The following RALGPS1 variants were observed in gnomAD, a reference collection of about 807,000 sequenced individuals.
RALGPS1 encodes Ral GEF with PH domain and SH3 binding motif 1, also known as ras-specific guanine nucleotide-releasing factor RalGPS1.
Under a neutral mutation model 78.8 loss-of-function variants are expected in RALGPS1, and 19 were observed. The ratio of observed to expected loss-of-function variants is 0.24; its 90% CI spans 0.17 to 0.35. The LOEUF (loss-of-function observed/expected upper bound fraction) is 0.35. RALGPS1 is among the 10% of genes least tolerant of loss of function. The probability of loss-of-function intolerance (pLI) is 1.00; values close to 1 mark genes in which losing one functional copy is unlikely to be tolerated. For missense variants in RALGPS1, 454 were observed against 688.3 expected (o/e 0.66, Z 3.81); for synonymous variants, 228 against 256.3 (o/e 0.89, Z 1.06).
chr9:126,935,651 C>T (rs1204419279), intron 1 of RALGPS1, among the ~76,000 whole-genome samples: 1 of 152,166 alleles, frequency 6.6e-6, no homozygotes, highest in East Asian at 1.9e-4. Flanking sequence ...TTAGAAGAAG[C>T]ACGTTTCCAA....
chr9:127,030,589 G>A (rs1243160015), intron 4 of RALGPS1, among the ~76,000 whole-genome samples: 1 of 152,154 alleles, frequency 6.6e-6, no homozygotes, highest in Non-Finnish European at 1.5e-5. Context: ...TCTCTTGCAA[G>A]GGAGAAGAGT....
chr9:126,949,227 G>A (rs2131678190), intron 1 of RALGPS1, among the ~76,000 whole-genome samples: 1 of 152,304 alleles, frequency 6.6e-6, no homozygotes, highest in East Asian at 1.9e-4. Context: ...GGACATTTGG[G>A]TTGGTTCCAA....
intron 8 of RALGPS1, among the ~76,000 whole-genome samples, chr9:127,121,753 C>T (rs892361681): frequency 9.2e-5 from 14 of 152,206 alleles, no homozygotes; most frequent in Admixed American, 3.9e-4. Context: ...CGTCCGTTCC[C>T]GTGCTGGGTG....
At chr9:127,194,018 TCA>T (rs1475761610) in intron 11 of RALGPS1, among the ~76,000 whole-genome samples, 1 of 152,212 alleles carries the variant, frequency 6.6e-6, no homozygotes, top group East Asian at 1.9e-4. Context: ...GGATTTGGCC[TCA>T]GTGTCTGTGT....
chr9:127,048,258 T>A (rs2047990805), intron 5 of RALGPS1, among the ~76,000 whole-genome samples: 1 of 152,096 alleles, frequency 6.6e-6, no homozygotes, highest in Admixed American at 6.5e-5. Context: ...TTTCAGCCTA[T>A]CCAGCCGTCC....
chr9:127,071,236 A>C (rs536117392), intron 8 of RALGPS1, among the ~76,000 whole-genome samples: 1 of 151,516 alleles, frequency 6.6e-6, no homozygotes. Context: ...AGGTTTGTCT[A>C]TTGGTCTTTC....
intron 11 of RALGPS1, among the ~76,000 whole-genome samples, chr9:127,192,106 C>A (rs1301379649): frequency 2.0e-5 from 3 of 152,182 alleles, no homozygotes; most frequent in African/African-American, 4.8e-5. Context: ...TCACGTTTTT[C>A]AAATACTTAT....
chr9:127,071,461 G>C (rs986694771), intron 8 of RALGPS1, among the ~76,000 whole-genome samples: 2 of 152,104 alleles, frequency 1.3e-5, no homozygotes, highest in African/African-American at 2.4e-5. Flanking sequence ...CTGATAAAAG[G>C]TGACATCTTA....
intron 7 of RALGPS1, among the ~76,000 whole-genome samples, chr9:127,068,120 C>T (rs943016340): frequency 6.6e-6 from 1 of 152,232 alleles, no homozygotes; most frequent in East Asian, 1.9e-4. Context: ...ACTAGGGATA[C>T]CTGTTCATCC....
intron 4 of RALGPS1, among the ~76,000 whole-genome samples, chr9:126,985,134 A>G (rs1366310712): frequency 6.6e-6 from 1 of 152,224 alleles, no homozygotes; most frequent in Non-Finnish European, 1.5e-5. Context: ...GCAGCATGGC[A>G]GTGTGCAGAT....
intron 4 of RALGPS1, among the ~76,000 whole-genome samples, chr9:126,986,566 A>G (rs1303984101): frequency 1.3e-5 from 2 of 152,204 alleles, no homozygotes; most frequent in Non-Finnish European, 2.9e-5. Flanking sequence ...TCTGTCTGTC[A>G]GTATGTCCAG....
At chr9:127,082,515 C>T (rs538094082) in intron 8 of RALGPS1, among the ~76,000 whole-genome samples, 4 of 152,250 alleles carry the variant, frequency 2.6e-5, no homozygotes, top group African/African-American at 9.6e-5. Context: ...TCCATATCAC[C>T]GTGATTCTCA....
At chr9:127,164,371 G>A (rs185216667) in intron 8 of RALGPS1, among the ~76,000 whole-genome samples, 1 of 151,570 alleles carries the variant, frequency 6.6e-6, no homozygotes, top group Non-Finnish European at 1.5e-5. Flanking sequence ...GAGTAGCTGG[G>A]ATTACAGGCG....
chr9:127,060,509 C>CTGTTGT lies in RALGPS1; in HGVS notation c.483+7599_483+7604dup, dbSNP rs35010607. 2.4e-3 allele frequency among the ~76,000 whole-genome samples: 369 copies of CTGTTGT among 150,874 alleles called. 1 individual carries two copies. The highest frequency in any genetic ancestry group is 9.1e-3 in the East Asian group (47 of 5,152). ...ATATTGAGGGGTTGGTAAGTATTAC[C>CTGTTGT]TGTTGTTGTTGTTGTTGTTGTTGTT... On this transcript the variant is annotated intron_variant, in intron 7 of 18. Transcript: ENST00000259351.
chr9:127,158,922 G>A (rs2058853758), intron 8 of RALGPS1, among the ~76,000 whole-genome samples: 1 of 151,810 alleles, frequency 6.6e-6, no homozygotes, highest in Non-Finnish European at 1.5e-5. Flanking sequence ...AGAGAAGGGG[G>A]TGGAATTGCT....
At chr9:127,172,502 A>G (rs2059616974) in intron 10 of RALGPS1, among the ~76,000 whole-genome samples, 1 of 152,136 alleles carries the variant, frequency 6.6e-6, no homozygotes, top group Admixed American at 6.5e-5. Context: ...ATCTTTGACT[A>G]CTTCTGTGCC....
At position 127,212,862 on chromosome 9, in the gene RALGPS1, G is replaced by T; in HGVS notation, c.1447-82G>T. 4 of 1,598,496 alleles carry T rather than the reference G, an allele frequency of 2.5e-6. No homozygotes were observed. Among genetic ancestry groups the T allele is most frequent in the African/African-American group, 1.3e-5 (1 of 74,606 alleles). ...GGGAAGGCGGCAGGGGAGGGAGGAA[G>T]CCTTGCCTGGCCCACGTCGGCCTCC... On this transcript the variant is annotated intron_variant, in intron 16 of 18. Coordinates refer to ENST00000259351, the MANE Select transcript of RALGPS1 (RefSeq NM_014636.3). This position sits in a 1 kb window ranked among gnomAD's most constrained non-coding sequence, Gnocchi z 6.0.
chr9:127,068,544 C>T (rs1458926182), intron 7 of RALGPS1, among the ~76,000 whole-genome samples: 2 of 152,138 alleles, frequency 1.3e-5, no homozygotes, highest in African/African-American at 4.8e-5. Flanking sequence ...GGGATAACTT[C>T]CAAGTGTGAG....
chr9:126,958,158 T>TACAC (rs60776038), intron 1 of RALGPS1, among the ~76,000 whole-genome samples: 12 of 121,042 alleles, frequency 9.9e-5, no homozygotes, highest in Non-Finnish European at 1.2e-4. Flanking sequence ...TATATATATA[T>TACAC]ACACACACAC....
Sources: gnomAD v4.1 joint callset for allele counts (sites outside exome capture counted in the v4.1 genomes callset) on GRCh38, gnomAD v4.1.1 for gene constraint, Gnocchi (gnomAD v3.1) non-coding constraint, MANE v1.5 for transcripts, NCBI Gene and HGNC (gene_info 2026-07-23, HGNC 2026-07-21) for gene names.